Variants in MON1A observed in about 807,000 individuals in gnomAD.
The protein encoded by MON1A is MON1 vesicular trafficking associated A, also known as vacuolar fusion protein MON1 homolog A.
In MON1A, 29 loss-of-function variants were observed where a neutral mutation model predicts 44.6. The ratio of observed to expected loss-of-function variants is 0.65; its 90% CI spans 0.48 to 0.89. MON1A has a LOEUF of 0.89. Among genes scored for constraint, MON1A ranks in the 40% least tolerant of loss-of-function variants. The pLI is 0.00. For missense variants in MON1A, 615 were observed against 759.6 expected (o/e 0.81, Z 2.24); for synonymous variants, 275 against 316.4 (o/e 0.87, Z 1.39).
intron 1 of MON1A, among the ~76,000 whole-genome samples, chr3:49,913,658 G>GTTTTTCTTTTTTT (rs1559493127): frequency 8.2e-6 from 1 of 121,448 alleles, no homozygotes; most frequent in Non-Finnish European, 1.8e-5. Flanking sequence ...TTTCCTTCTA[G>GTTTTTCTTTTTTT]TATTTTTTTT....
intron 1 of MON1A, among the ~76,000 whole-genome samples, chr3:49,917,454 T>A (rs2082955319): frequency 6.6e-6 from 1 of 151,492 alleles, no homozygotes; most frequent in East Asian, 2.0e-4. Flanking sequence ...CCCAGCTAAT[T>A]TCTTTTTGTA....
At chr3:49,929,152 G>A (rs1046063471) in intron 1 of MON1A, among the ~76,000 whole-genome samples, 1 of 152,222 alleles carries the variant, frequency 6.6e-6, no homozygotes, top group Admixed American at 6.5e-5. Context: ...AACCTGGGAG[G>A]CGGAGGTTGC....
In MON1A at chr3:49,911,997, C is replaced by T. The variant is rs199559150; in HGVS notation, c.142G>A (p.Gly48Ser). ...GAACGGGCATGGACGAACATGGCACCCTCCTGGCCCGCACCTGCAGGCCAA... is the reference window on the plus strand; with the variant it reads ...GAACGGGCATGGACGAACATGGCACTCTCCTGGCCCGCACCTGCAGGCCAA... ...QGMEPGAGQE[G>S]AMFVHARSYE... Residue 48 changes from glycine to serine, a missense_variant, in exon 3 of 6, where the codon GGT becomes AGT. Coordinates refer to ENST00000296473, the MANE Select transcript of MON1A (RefSeq NM_032355.4). The surrounding 1 kb of genome is among the most constrained non-coding windows in gnomAD (Gnocchi z 5.7). 378 of 1,580,472 alleles carry T rather than the reference C, an allele frequency of 2.4e-4. No homozygotes were observed. The highest frequency in any genetic ancestry group is 3.4e-4 in the Middle Eastern group (2 of 5,898).
rs565792899 is a variant in MON1A at position 49,918,383 on chromosome 3, G to T, written c.-13-5024C>A. ...AAGAACTTCCGGAGATTACCACCAC[G>T]AGCTTACCTCATCTGCCAGAATAGG... On this transcript the variant is annotated intron_variant, in intron 1 of 5. Transcript: ENST00000296473. 2.0e-5 allele frequency among the ~76,000 whole-genome samples: 3 copies of T among 150,710 alleles called. No individual in the cohort carries two copies. The East Asian group carries it at 5.9e-4, about 29-fold the overall frequency.
At position 49,911,893 on chromosome 3, in the gene MON1A, C is replaced by T. The variant is rs763262031; in HGVS notation, c.246G>A (p.Pro82=). The part of the protein sequence containing the change: ...SHKEGTRGPP[P]LPTDMRQISQ... ...TGATCTGGCGCATGTCTGTAGGCAG[C>T]GGCGGGGGACCCCTGGTACCCTCCT... Residue 82 remains proline, a synonymous_variant, in exon 3 of 6, where the codon CCG becomes CCA. Coordinates refer to ENST00000296473, the MANE Select transcript of MON1A (RefSeq NM_032355.4). This position sits in a 1 kb window ranked among gnomAD's most constrained non-coding sequence, Gnocchi z 5.7. The T allele has an allele frequency of 2.0e-5, 32 of 1,614,006 alleles. No homozygotes were observed. The African/African-American group carries it at 2.1e-4, about 11-fold the overall frequency.
chr3:49,926,070 A>C lies in MON1A; in HGVS notation c.-14+3539T>G, dbSNP rs2083049128. ...TCCCACCTTACTCAGTGAGAAAGCC[A>C]ATTTCCTCACAGTGGTGCACAAGGC... On this transcript the variant is annotated intron_variant, in intron 1 of 5. Transcript: ENST00000296473. Among the ~76,000 whole-genome samples, 3 of 152,134 alleles carry C rather than the reference A, an allele frequency of 2.0e-5. No homozygotes were observed. In the South Asian group the frequency reaches 6.2e-4, roughly 32 times the overall value.
intron 1 of MON1A, among the ~76,000 whole-genome samples, chr3:49,919,924 C>A (rs1277686244): frequency 2.0e-5 from 3 of 152,306 alleles, no homozygotes; most frequent in African/African-American, 7.2e-5. Flanking sequence ...TTCCACATCA[C>A]CTGGCAAGGG....
chr3:49,915,397 C>T (rs2082935164), intron 1 of MON1A, among the ~76,000 whole-genome samples: 1 of 152,108 alleles, frequency 6.6e-6, no homozygotes, highest in Non-Finnish European at 1.5e-5. Flanking sequence ...GGCATGGTGG[C>T]ATGTGCCTGT....
At chr3:49,919,700 A>G (rs760551944) in intron 1 of MON1A, among the ~76,000 whole-genome samples, 131 of 152,254 alleles carry the variant, frequency 8.6e-4, no homozygotes, top group Middle Eastern at 6.8e-3. Flanking sequence ...GGCTGGTCTC[A>G]GGTGATCCTG....
chr3:49,926,719 C>G (rs2083054852), intron 1 of MON1A, among the ~76,000 whole-genome samples: 1 of 152,006 alleles, frequency 6.6e-6, no homozygotes, highest in African/African-American at 2.4e-5. Context: ...CTAGGGCTCC[C>G]AAAGTGCTGG....
At chr3:49,918,603 G>A (rs142344547) in intron 1 of MON1A, among the ~76,000 whole-genome samples, 7,294 of 151,798 alleles carry the variant, frequency 0.048, 253 homozygotes, top group South Asian at 0.072. Flanking sequence ...GTAGAGACGG[G>A]GTTTTACCAT....
Position 49,921,952 on chromosome 3 carries a change from A to G in MON1A, c.-14+7657T>C, listed in dbSNP as rs551039479. On this transcript the variant is annotated intron_variant, in intron 1 of 5. Coordinates refer to ENST00000296473, the MANE Select transcript of MON1A (RefSeq NM_032355.4). ...CAGGAGTTCAAGACCAGCCTGGCCAACATGGTGAAACCCCATCTCTACTAA... is the reference window on the plus strand; with the variant it reads ...CAGGAGTTCAAGACCAGCCTGGCCAGCATGGTGAAACCCCATCTCTACTAA... Among the ~76,000 whole-genome samples the G allele has an allele frequency of 3.3e-5, 5 of 151,922 alleles. No homozygotes were observed. The South Asian group carries it at 1.0e-3, about 32-fold the overall frequency.
intron 1 of MON1A, among the ~76,000 whole-genome samples, chr3:49,927,854 T>C (rs1366871035): frequency 4.0e-5 from 6 of 151,284 alleles, no homozygotes; most frequent in African/African-American, 1.5e-4. Context: ...TGAGCTGATA[T>C]CGCGCCATTG....
In MON1A at chr3:49,910,753, C is replaced by T. The variant is rs138516377; in HGVS notation, c.745G>A (p.Gly249Ser). The stretch of plus-strand genomic sequence containing the variant: ...TGGAAGATGTGGCTCAGCTGCGCAC[C>T]GGTAAGAAGGCTTAGGATCTGGTAG... ...IYYQILSLLT[G>S]AQLSHIFQQK... The change falls in exon 4 of 6, where the codon GGT becomes AGT. Residue 249 changes from glycine to serine, a missense_variant. By Grantham distance (56) the Gly-to-Ser change is moderately conservative (BLOSUM62 0). Coordinates refer to ENST00000296473, the MANE Select transcript of MON1A (RefSeq NM_032355.4). The surrounding 1 kb of genome is among the most constrained non-coding windows in gnomAD (Gnocchi z 8.0). 3 of 1,614,010 alleles carry T rather than the reference C, an allele frequency of 1.9e-6. No homozygotes were observed. Among genetic ancestry groups the T allele is most frequent in the Non-Finnish European group, 2.5e-6 (3 of 1,180,018 alleles).
At position 49,909,015 on chromosome 3, in the gene MON1A, C is replaced by G. The variant is rs2082842527; in HGVS notation, c.1667G>C (p.Ter556SerextTer13). The G allele has an allele frequency of 1.2e-6, 2 of 1,611,260 alleles. No individual in the cohort carries two copies. The highest frequency in any genetic ancestry group is 1.7e-6 in the Non-Finnish European group (2 of 1,178,344). ...AGGCTGAGCCCGCACACATTCCCAT[C>G]AATAGGTGAGGGGCGTGAGAATGAA... The part of the protein sequence containing the change: ...RLFILTPLTY[*>S] The change falls in exon 6 of 6, where the codon TGA becomes TCA. Residue 556 changes from the stop codon to serine, a stop_lost. Transcript: ENST00000296473. The surrounding 1 kb of genome is among the most constrained non-coding windows in gnomAD (Gnocchi z 4.0).
rs1326027136 is a variant in MON1A, at chr3:49,910,595, GGCCGCCGCCAGGGGCAGGCACCGT to G, written c.879_902del (p.Arg294_Ala301del). On this transcript the variant is annotated inframe_deletion, in exon 4 of 6. Coordinates refer to ENST00000296473, the MANE Select transcript of MON1A (RefSeq NM_032355.4). The surrounding 1 kb of genome is among the most constrained non-coding windows in gnomAD (Gnocchi z 8.0). ...GGCTGGCGCTCACAGTGTCGCGCACGGCCGCCGCCAGGGGCAGGCACCGTGCCGCCCCCATCAGGAAGCTGGGGT... is the reference window on the plus strand; with the variant it reads ...GGCTGGCGCTCACAGTGTCGCGCACGGCCGCCCCCATCAGGAAGCTGGGGT... 1 of 1,603,856 alleles carries G rather than the reference GGCCGCCGCCAGGGGCAGGCACCGT, an allele frequency of 6.2e-7. No homozygotes were observed. Among genetic ancestry groups the G allele is most frequent in the Non-Finnish European group, 8.5e-7 (1 of 1,174,784 alleles).
At chr3:49,922,152 A>G (rs1312765327) in intron 1 of MON1A, among the ~76,000 whole-genome samples, 19 of 149,236 alleles carry the variant, frequency 1.3e-4, no homozygotes, top group African/African-American at 4.2e-4. Flanking sequence ...AAAAAAAAAG[A>G]AAGAAAGAAA....
intron 2 of MON1A, chr3:49,912,937 G>A (rs1357568171): frequency 5.5e-6 from 3 of 541,306 alleles, no homozygotes; most frequent in African/African-American, 1.9e-5. Context: ...TAACTCGTGA[G>A]GAGGGGAGAA....
Position 49,909,472 on chromosome 3 carries a change from AC to A in MON1A, c.1380-73del. 1 of 1,574,254 alleles carries A rather than the reference AC, an allele frequency of 6.4e-7. No homozygotes were observed. The highest frequency in any genetic ancestry group is 1.7e-5 in the Admixed American group (1 of 57,476). Reference sequence around the variant, plus strand: ...CTGTCTTCTCTAGAGATTTAGAAACACCTATTCCTATCCAGGAAGACTCTAT... The same window carrying A: ...CTGTCTTCTCTAGAGATTTAGAAACACTATTCCTATCCAGGAAGACTCTAT... On this transcript the variant is annotated intron_variant, in intron 4 of 5. Transcript: ENST00000296473. The surrounding 1 kb of genome is among the most constrained non-coding windows in gnomAD (Gnocchi z 4.0).
Sources: gnomAD v4.1 joint callset for allele counts (sites outside exome capture counted in the v4.1 genomes callset) on GRCh38, gnomAD v4.1.1 for gene constraint, Gnocchi (gnomAD v3.1) non-coding constraint, MANE v1.5 for transcripts, NCBI Gene and HGNC (gene_info 2026-07-23, HGNC 2026-07-21) for gene names.